Variants in GPR158 observed in about 807,000 individuals in gnomAD.
GPR158 encodes the protein metabotropic glycine receptor.
Under a neutral mutation model 78.2 loss-of-function variants are expected in GPR158, and 30 were observed. The ratio of observed to expected loss-of-function variants is 0.38; its 90% CI spans 0.29 to 0.52. The LOEUF (loss-of-function observed/expected upper bound fraction) is 0.52, where lower values mean the gene tolerates loss of function less well. GPR158 is among the 20% of genes least tolerant of loss of function. GPR158 has a pLI of 0.83. For synonymous variants in GPR158, 581 were observed against 591.1 expected (o/e 0.98, Z 0.25); for missense variants, 1,463 against 1,523.5 (o/e 0.96, Z 0.66).
At chr10:25,417,498 CTA>C (rs369031234) in intron 4 of GPR158, among the ~76,000 whole-genome samples, 2 of 152,058 alleles carry the variant, frequency 1.3e-5, no homozygotes, top group African/African-American at 4.8e-5. Context: ...TGCATGAAAT[CTA>C]TTTTTTCTCC....
chr10:25,437,325 A>G (rs1182052703), intron 4 of GPR158, among the ~76,000 whole-genome samples: 1 of 151,948 alleles, frequency 6.6e-6, no homozygotes, highest in African/African-American at 2.4e-5. Context: ...TCCTGGGTTC[A>G]AGAGATCCTC....
chr10:25,210,893 G>A (rs1321994195), intron 1 of GPR158, among the ~76,000 whole-genome samples: 2 of 152,098 alleles, frequency 1.3e-5, no homozygotes, highest in East Asian at 3.9e-4. Context: ...CAGCACTTTG[G>A]GAGGCCGAGG....
chr10:25,364,538 T>A (rs1468509840), intron 2 of GPR158, among the ~76,000 whole-genome samples: 1 of 151,916 alleles, frequency 6.6e-6, no homozygotes, highest in Non-Finnish European at 1.5e-5. Context: ...TTAAACATTT[T>A]TGACTCTTTA....
At chr10:25,228,797 C>T (rs1378322890) in intron 2 of GPR158, among the ~76,000 whole-genome samples, 3 of 151,886 alleles carry the variant, frequency 2.0e-5, no homozygotes, top group Non-Finnish European at 4.4e-5. Flanking sequence ...TTTGGGAGGC[C>T]AAGGCAGACG....
chr10:25,335,258 TG>T (rs1855180807), intron 2 of GPR158, among the ~76,000 whole-genome samples: 1 of 152,132 alleles, frequency 6.6e-6, no homozygotes, highest in African/African-American at 2.4e-5. Flanking sequence ...GCTTAAATTT[TG>T]TCAGATGCCA....
intron 8 of GPR158, among the ~76,000 whole-genome samples, chr10:25,593,121 C>T (rs1379931604): frequency 6.6e-6 from 1 of 151,852 alleles, no homozygotes; most frequent in African/African-American, 2.4e-5. Flanking sequence ...ATGTATGTTA[C>T]AAGCCTATTT....
At chr10:25,424,869 T>C (rs1834798625) in intron 4 of GPR158, among the ~76,000 whole-genome samples, 1 of 152,214 alleles carries the variant, frequency 6.6e-6, no homozygotes, top group Non-Finnish European at 1.5e-5. Flanking sequence ...CAATGCGGGC[T>C]CTTTTTTGGT....
chr10:25,567,336 G>A (rs1440502303), intron 6 of GPR158, among the ~76,000 whole-genome samples: 1 of 152,166 alleles, frequency 6.6e-6, no homozygotes, highest in African/African-American at 2.4e-5. Context: ...AAACTGTTTA[G>A]AGCAGCGGTT....
chr10:25,600,605 C>T lies in GPR158; in HGVS notation c.*1331C>T, dbSNP rs1158587705. 1 of 152,536 alleles carries T rather than the reference C, an allele frequency of 6.6e-6. No individual in the cohort carries two copies. Among genetic ancestry groups the T allele is most frequent in the Non-Finnish European group, 1.5e-5 (1 of 68,024 alleles). 9.4% of individuals were successfully genotyped at this position (152,536 alleles called of 1,614,324 possible). A position where few individuals can be genotyped will look rare whatever the true frequency, so the allele number is the denominator to read the frequency against. On this transcript the variant is annotated 3_prime_UTR_variant, in exon 11 of 11. Coordinates refer to ENST00000376351, the MANE Select transcript of GPR158 (RefSeq NM_020752.3). ...TATTCTCATAAACTCTTATTCATTG[C>T]TTCAGCTACAGGTAGAACTTGCTGG...
intron 5 of GPR158, among the ~76,000 whole-genome samples, chr10:25,496,097 G>A (rs1835877327): frequency 6.6e-6 from 1 of 152,112 alleles, no homozygotes; most frequent in African/African-American, 2.4e-5. Flanking sequence ...AAGAAGCAAG[G>A]ATTTAAGGCT....
At chr10:25,593,597 A>C (rs1837367206) in intron 8 of GPR158, among the ~76,000 whole-genome samples, 1 of 152,040 alleles carries the variant, frequency 6.6e-6, no homozygotes. Flanking sequence ...AAATATTCCC[A>C]AATTACTAGA....
intron 2 of GPR158, among the ~76,000 whole-genome samples, chr10:25,231,709 C>T (rs1039470121): frequency 1.3e-5 from 2 of 152,086 alleles, no homozygotes; most frequent in Non-Finnish European, 2.9e-5. Context: ...GAACACAAAT[C>T]GGAATGTGGG....
chr10:25,584,209 AAAG>A lies in GPR158; in HGVS notation c.1754-4791_1754-4789del, dbSNP rs34908234. 7.6e-3 allele frequency among the ~76,000 whole-genome samples: 1,158 copies of A among 152,308 alleles called. 25 individuals are homozygous for A. The highest frequency in any genetic ancestry group is 0.027 in the African/African-American group (1,115 of 41,564). ...TATTTAACACCAGAAATTATTTTCT[AAAG>A]AAGAAGCACAACACGTATTTCAACT... On this transcript the variant is annotated intron_variant, in intron 7 of 10. Transcript: ENST00000376351.
chr10:25,596,567 G>GTA, intron 9 of GPR158, 76 bp from the exon 10 acceptor site: 1 of 971,452 alleles, frequency 1.0e-6, no homozygotes, highest in Non-Finnish European at 1.6e-6. Context: ...ATAGATATAG[G>GTA]TATAGATATA....
chr10:25,200,823 A>C (rs1852913710), intron 1 of GPR158, among the ~76,000 whole-genome samples: 1 of 130,142 alleles, frequency 7.7e-6, no homozygotes, highest in African/African-American at 2.8e-5. Context: ...TTATTTCTGG[A>C]CTCCCTATTC....
chr10:25,448,543 A>C (rs1373347710), intron 4 of GPR158, among the ~76,000 whole-genome samples: 1 of 152,058 alleles, frequency 6.6e-6, no homozygotes, highest in Non-Finnish European at 1.5e-5. Context: ...TGTTGTTTCC[A>C]TTTTTGGCTA....
At chr10:25,338,979 T>TTAAATTTATTTC (rs1855264963) in intron 2 of GPR158, among the ~76,000 whole-genome samples, 1 of 151,714 alleles carries the variant, frequency 6.6e-6, no homozygotes. Context: ...TTTTACCCTG[T>TTAAATTTATTTC]TAAATTTATT....
chr10:25,560,967 T>A (rs1051109313), intron 6 of GPR158, among the ~76,000 whole-genome samples: 9 of 152,202 alleles, frequency 5.9e-5, no homozygotes, highest in Non-Finnish European at 1.2e-4. Flanking sequence ...TGTTTTTTTT[T>A]AAGAGAAAAG....
At chr10:25,418,933 CAA>C (rs1039404791) in intron 4 of GPR158, among the ~76,000 whole-genome samples, 4 of 151,106 alleles carry the variant, frequency 2.6e-5, no homozygotes, top group Non-Finnish European at 4.4e-5. Flanking sequence ...GATTTAATAA[CAA>C]TGCTAATTTT....
Sources: gnomAD v4.1 joint callset for allele counts (sites outside exome capture counted in the v4.1 genomes callset) on GRCh38, gnomAD v4.1.1 for gene constraint, MANE v1.5 for transcripts, NCBI Gene and HGNC (gene_info 2026-07-23, HGNC 2026-07-21) for gene names.